ARHGEF7: variants seen among roughly 807,000 people sequenced by gnomAD.
ARHGEF7 encodes the protein Rho guanine nucleotide exchange factor 7.
ARHGEF7 carries 33 observed loss-of-function variants against 109.8 expected under a neutral mutation model. The observed-to-expected ratio is 0.30, with a 90% CI of 0.23 to 0.40. The LOEUF is 0.40. Among genes scored for constraint, ARHGEF7 ranks in the 10% least tolerant of loss-of-function variants. ARHGEF7 has a pLI of 1.00. For synonymous variants in ARHGEF7, 458 were observed against 424.6 expected, an observed-to-expected ratio of 1.08 and a Z score of -0.97; for missense variants, 938 against 1,098.5, an observed-to-expected ratio of 0.85 and a Z score of 2.07.
intron 19 of ARHGEF7, chr13:111,293,175 G>T (rs985948783): frequency 3.0e-6 from 3 of 985,302 alleles, no homozygotes; most frequent in Non-Finnish European, 3.6e-6. Flanking sequence ...GCCTCTGCAA[G>T]TGTAGACTAC....
In ARHGEF7 at chr13:111,303,704, GTCTTC is replaced by G. The variant is rs1431717641; in HGVS notation, c.*596_*600del. 1 of 152,226 alleles carries G rather than the reference GTCTTC, an allele frequency of 6.6e-6. No individual in the cohort carries two copies. Among genetic ancestry groups the G allele is most frequent in the Non-Finnish European group, 1.5e-5 (1 of 68,064 alleles). 9.4% of individuals were successfully genotyped at this position (152,226 alleles called of 1,614,324 possible). On this transcript the variant is annotated 3_prime_UTR_variant, in exon 22 of 22. Transcript: ENST00000646102. ...AGATACACTTCAGTCCCATTCAGAA[GTCTTC>G]TCTTAAAGCAGCATTACAGTCCCAG...
intron 1 of ARHGEF7, among the ~76,000 whole-genome samples, chr13:111,125,114 GT>G (rs2067471549): frequency 6.6e-6 from 1 of 151,748 alleles, no homozygotes; most frequent in Non-Finnish European, 1.5e-5. Context: ...TCTCCTGGCT[GT>G]TTTGGAGGGA....
At chr13:111,177,677 G>C (rs565862386) in intron 2 of ARHGEF7, among the ~76,000 whole-genome samples, 5 of 152,194 alleles carry the variant, frequency 3.3e-5, no homozygotes, top group Non-Finnish European at 7.3e-5. Context: ...CACTGGGAAG[G>C]CCTCTCACTA....
intron 2 of ARHGEF7, among the ~76,000 whole-genome samples, chr13:111,189,425 T>C (rs1435040202): frequency 6.6e-6 from 1 of 152,202 alleles, no homozygotes; most frequent in Non-Finnish European, 1.5e-5. Context: ...GCAGTGAGTG[T>C]TACAGCTCTT....
At chr13:111,193,682 G>A (rs953322240) in intron 2 of ARHGEF7, among the ~76,000 whole-genome samples, 11 of 152,178 alleles carry the variant, frequency 7.2e-5, no homozygotes, top group Non-Finnish European at 1.6e-4. Context: ...GGGGGAAGAG[G>A]CTTACTTTCA....
chr13:111,288,304 C>A (rs1471953313), intron 17 of ARHGEF7, 50 bp from the exon 18 acceptor site: 2 of 1,335,890 alleles, frequency 1.5e-6, no homozygotes, highest in Admixed American at 1.7e-5. Context: ...TCGCCAGTTG[C>A]CCTAGAGGCC....
At chr13:111,155,383 G>A (rs991123298) in intron 2 of ARHGEF7, among the ~76,000 whole-genome samples, 4 of 152,358 alleles carry the variant, frequency 2.6e-5, no homozygotes, top group Middle Eastern at 3.4e-3. Context: ...ATAGATTAAA[G>A]TATTACTGGC....
chr13:111,294,342 G>C (rs2093375765), intron 19 of ARHGEF7: 3 of 985,312 alleles, frequency 3.0e-6, no homozygotes, highest in Middle Eastern at 1.0e-3. Context: ...CGTAGGCGTG[G>C]GTTGCCTGTG....
intron 5 of ARHGEF7, among the ~76,000 whole-genome samples, chr13:111,221,494 T>TATAGAC (rs1385380967): frequency 1.5e-4 from 9 of 59,192 alleles, no homozygotes; most frequent in Admixed American, 2.8e-4. Flanking sequence ...TATATAGACA[T>TATAGAC]ATATATATCT....
intron 4 of ARHGEF7, among the ~76,000 whole-genome samples, chr13:111,211,089 C>T (rs997539956): frequency 1.1e-4 from 16 of 152,298 alleles, no homozygotes; most frequent in East Asian, 9.6e-4. Flanking sequence ...AGAGGATCCC[C>T]GAGGGGTCTG....
At position 111,140,211 on chromosome 13, in the gene ARHGEF7, G is replaced by A. The variant is rs575016284; in HGVS notation, c.166-13694G>A. ...ATATGCCATCTGTTAAGATTCAACC[G>A]TCATCCAAACAGACCAAATATGCTG... On this transcript the variant is annotated intron_variant, in intron 1 of 21. Transcript: ENST00000646102. Among the ~76,000 whole-genome samples the A allele has an allele frequency of 4.6e-5, 7 of 152,282 alleles. 1 individual carries two copies. The highest frequency in any genetic ancestry group is 4.1e-4 in the South Asian group (2 of 4,826).
At chr13:111,276,861 A>C (rs1205966894) in intron 12 of ARHGEF7, among the ~76,000 whole-genome samples, 1 of 152,234 alleles carries the variant, frequency 6.6e-6, no homozygotes, top group Non-Finnish European at 1.5e-5. Context: ...TTAAATGTCA[A>C]CATGTGAAAA....
At chr13:111,301,195 C>T (rs138584784) in intron 20 of ARHGEF7, among the ~76,000 whole-genome samples, 3,624 of 152,166 alleles carry the variant, frequency 0.024, 149 homozygotes, top group African/African-American at 0.084. Flanking sequence ...GTGATCTGCC[C>T]GCCTCGGCCT....
At chr13:111,208,955 ATG>A (rs1004053455) in intron 3 of ARHGEF7, among the ~76,000 whole-genome samples, 1 of 152,194 alleles carries the variant, frequency 6.6e-6, no homozygotes, top group African/African-American at 2.4e-5. Flanking sequence ...CACATCCTAA[ATG>A]TGTCAAGAGC....
At chr13:111,204,710 T>G (rs2081575217) in intron 2 of ARHGEF7, among the ~76,000 whole-genome samples, 1 of 152,064 alleles carries the variant, frequency 6.6e-6, no homozygotes, top group Non-Finnish European at 1.5e-5. Flanking sequence ...GCTTGCCTGG[T>G]TCTGGCCTCA....
chr13:111,304,566 C>G lies in ARHGEF7; in HGVS notation c.*1453C>G, dbSNP rs1464566778. ...TTTTCTGTCTATTGGCCAAATTGCC[C>G]TTTAACTGCACCTGAATCCTTTGTG... On this transcript the variant is annotated 3_prime_UTR_variant, in exon 22 of 22. Transcript: ENST00000646102. 6.6e-6 allele frequency: 1 copy of G among 152,274 alleles called. No homozygotes were observed. The highest frequency in any genetic ancestry group is 1.5e-5 in the Non-Finnish European group (1 of 68,058). The allele number at this position is 152,274 out of a possible 1,614,324, so 9.4% of individuals were successfully genotyped here.
At chr13:111,221,480 G>GACATCT (rs2084200856) in intron 5 of ARHGEF7, among the ~76,000 whole-genome samples, 2 of 53,342 alleles carry the variant, frequency 3.7e-5, no homozygotes, top group Non-Finnish European at 7.7e-5. Flanking sequence ...TATATATATA[G>GACATCT]ATATATATAG....
At chr13:111,263,676 C>T (rs1399581133) in intron 8 of ARHGEF7, among the ~76,000 whole-genome samples, 7 of 152,198 alleles carry the variant, frequency 4.6e-5, no homozygotes, top group African/African-American at 1.7e-4. Context: ...CTTCAGTCCT[C>T]CTAGTGAGGC....
chr13:111,270,385 G>C (rs1313757516), intron 9 of ARHGEF7, among the ~76,000 whole-genome samples: 1 of 151,902 alleles, frequency 6.6e-6, no homozygotes, highest in Non-Finnish European at 1.5e-5. Flanking sequence ...CAGAGTAGCT[G>C]TAACTAGCTG....
Sources: allele counts gnomAD v4.1 joint callset (sites outside exome capture counted in the v4.1 genomes callset), GRCh38; gene constraint gnomAD v4.1.1; transcripts MANE v1.5; gene names NCBI Gene and HGNC (gene_info 2026-07-23, HGNC 2026-07-21).